The following DMD variants were observed in gnomAD, a reference collection of about 807,000 sequenced individuals.
The protein encoded by DMD is mutant dystrophin.
A neutral mutation model predicts 330.1 loss-of-function variants in DMD; 63 were observed. That is an observed-to-expected ratio of 0.19 (90% CI 0.16 to 0.24). The LOEUF is 0.24. Among genes scored for constraint, DMD ranks in the 10% least tolerant of loss-of-function variants. The pLI is 1.00. For synonymous variants in DMD, 1,223 were observed against 959.8 expected (o/e 1.27, Z -5.07); for missense variants, 3,344 against 2,684.1 (o/e 1.25, Z -5.43).
At chrX:32,838,756 A>T (rs2079883919) in intron 4 of DMD, among the ~76,000 whole-genome samples, 2 of 112,355 alleles carry the variant, frequency 1.8e-5, no homozygotes, top group South Asian at 7.3e-4. Flanking sequence ...TTAGAATGGC[A>T]ATCATTAAAA....
intron 45 of DMD, among the ~76,000 whole-genome samples, chrX:31,956,286 A>T (rs760969691): frequency 6.2e-5 from 7 of 112,120 alleles, no homozygotes; most frequent in Non-Finnish European, 1.3e-4. Context: ...CTACAAGAAG[A>T]TGAATATATT....
Position 31,886,045 on chromosome X carries a change from A to G in DMD, c.6913-10672T>C, listed in dbSNP as rs5971602. On this transcript the variant is annotated intron_variant, in intron 47 of 78. Coordinates refer to ENST00000357033, the MANE Select transcript of DMD (RefSeq NM_004006.3). ...AGAAGCATAGATAACATAAGTTGTT[A>G]TAAAGATTAAAAATAATAATAGGGA... Among the ~76,000 whole-genome samples, 187 of 111,147 alleles carry G rather than the reference A, an allele frequency of 1.7e-3. 1 individual carries two copies. The highest frequency in any genetic ancestry group is 7.6e-3 in the Middle Eastern group (1 of 132).
chrX:31,736,059 G>A (rs73210161), intron 51 of DMD, among the ~76,000 whole-genome samples: 121 of 111,350 alleles, frequency 1.1e-3, no homozygotes, highest in Non-Finnish European at 2.0e-3. Context: ...TACAGATTAC[G>A]TACCTGATTG....
chrX:32,708,405 T>A (rs1485788583), intron 7 of DMD, among the ~76,000 whole-genome samples: 1 of 110,914 alleles, frequency 9.0e-6, no homozygotes, highest in Non-Finnish European at 1.9e-5. Context: ...GGTAAGGGAC[T>A]GTGGTAAAAT....
intron 7 of DMD, among the ~76,000 whole-genome samples, chrX:32,742,297 A>G (rs763793583): frequency 1.8e-5 from 2 of 112,258 alleles, no homozygotes; most frequent in Non-Finnish European, 3.8e-5. Flanking sequence ...AAATAAAGCC[A>G]ATGTTTTTAT....
intron 19 of DMD, among the ~76,000 whole-genome samples, chrX:32,495,625 T>A (rs2043417939): frequency 8.9e-6 from 1 of 112,117 alleles, no homozygotes; most frequent in Non-Finnish European, 1.9e-5. Flanking sequence ...CTGTTGATTT[T>A]CTAAGAAAGT....
chrX:31,588,872 G>GT (rs58845554), intron 55 of DMD, among the ~76,000 whole-genome samples: 1,101 of 77,496 alleles, frequency 0.014, 24 homozygotes, highest in African/African-American at 0.038. Context: ...CAAAGTCTAT[G>GT]TTTTTTTTTT....
chrX:32,517,053 A>G (rs1185713471), intron 18 of DMD: 2 of 111,444 alleles, frequency 1.8e-5, no homozygotes, highest in Non-Finnish European at 3.8e-5. Context: ...TTGATCTCCA[A>G]AAGTTCCAAC....
chrX:33,195,732 T>TTG (rs71969580), intron 1 of DMD, among the ~76,000 whole-genome samples: 1,295 of 97,660 alleles, frequency 0.013, 21 homozygotes, highest in African/African-American at 0.037. Context: ...CTGTTCTATT[T>TTG]TGTGTGTGTG....
intron 43 of DMD, among the ~76,000 whole-genome samples, chrX:32,258,250 G>T (rs2097307386): frequency 8.9e-6 from 1 of 111,930 alleles, no homozygotes; most frequent in Non-Finnish European, 1.9e-5. Context: ...GTGGAAGACA[G>T]TGTGGCGATT....
At chrX:32,975,330 T>A (rs865902462) in intron 2 of DMD, among the ~76,000 whole-genome samples, 1 of 94,687 alleles carries the variant, frequency 1.1e-5, no homozygotes, top group African/African-American at 4.1e-5. Context: ...TTTTGCTTTT[T>A]AAACTTTAAA....
chrX:33,247,982 CT>C (rs1350834161), intron 1 of DMD, among the ~76,000 whole-genome samples: 1 of 111,902 alleles, frequency 8.9e-6, no homozygotes, highest in Middle Eastern at 4.3e-3. Context: ...GATTGCCATA[CT>C]GTAAGACTCA....
intron 16 of DMD, among the ~76,000 whole-genome samples, chrX:32,545,776 T>A (rs1051770513): frequency 1.8e-5 from 2 of 111,727 alleles, no homozygotes; most frequent in African/African-American, 6.5e-5. Flanking sequence ...TTGGTTATCA[T>A]ACACATTGAT....
chrX:32,885,190 A>C (rs1182324062), intron 2 of DMD, among the ~76,000 whole-genome samples: 3 of 112,127 alleles, frequency 2.7e-5, no homozygotes, highest in East Asian at 5.6e-4. Context: ...TAACTGAACA[A>C]ACCAGAATGA....
chrX:31,663,781 C>G (rs1435872765), intron 53 of DMD, among the ~76,000 whole-genome samples: 1 of 110,977 alleles, frequency 9.0e-6, no homozygotes, highest in East Asian at 2.8e-4. Flanking sequence ...CATCTTTAAA[C>G]AACAACAACA....
At chrX:33,025,238 T>C (rs1267901859) in intron 1 of DMD, among the ~76,000 whole-genome samples, 1 of 111,784 alleles carries the variant, frequency 8.9e-6, no homozygotes, top group Non-Finnish European at 1.9e-5. Context: ...AGGAGGAGGA[T>C]AAAGATGAAT....
chrX:31,759,968 C>T (rs754052627), intron 51 of DMD, among the ~76,000 whole-genome samples: 4 of 111,877 alleles, frequency 3.6e-5, no homozygotes, highest in Non-Finnish European at 7.5e-5. Context: ...CTCAGCTGTG[C>T]TCCTCAAGAT....
intron 60 of DMD, among the ~76,000 whole-genome samples, chrX:31,379,049 G>A (rs1440595679): frequency 9.1e-6 from 1 of 109,953 alleles, no homozygotes; most frequent in African/African-American, 3.3e-5. Flanking sequence ...CCCCTCCCCA[G>A]TCTCTGTTCC....
chrX:31,205,986 G>T (rs775109311), intron 66 of DMD, among the ~76,000 whole-genome samples: 1 of 112,608 alleles, frequency 8.9e-6, no homozygotes, highest in Non-Finnish European at 1.9e-5. Context: ...CTCTAGCATT[G>T]GCTTTTAATT....
Sources: allele counts gnomAD v4.1 joint callset (sites outside exome capture counted in the v4.1 genomes callset), GRCh38; gene constraint gnomAD v4.1.1; transcripts MANE v1.5; gene names NCBI Gene and HGNC (gene_info 2026-07-23, HGNC 2026-07-21).